SDK1: variants seen among roughly 807,000 people sequenced by gnomAD.
SDK1 encodes protein sidekick-1.
Under a neutral mutation model 245.5 loss-of-function variants are expected in SDK1, and 157 were observed. The observed-to-expected ratio is 0.64, with a 90% CI of 0.56 to 0.73. The LOEUF (loss-of-function observed/expected upper bound fraction) is 0.73. Among genes scored for constraint, SDK1 ranks in the 30% least tolerant of loss-of-function variants. The pLI is 0.00. For missense variants in SDK1, 3,583 were observed against 3,002.3 expected, an observed-to-expected ratio of 1.19 and a Z score of -4.52; for synonymous variants, 1,647 against 1,278.5, an observed-to-expected ratio of 1.29 and a Z score of -6.15.
chr7:4,105,380 C>G (rs538784142), intron 22 of SDK1, among the ~76,000 whole-genome samples: 1 of 152,062 alleles, frequency 6.6e-6, no homozygotes, highest in Non-Finnish European at 1.5e-5. Flanking sequence ...GATCTCAGCT[C>G]ACTGCATCCT....
chr7:3,475,540 T>A (rs1210853114), intron 1 of SDK1, among the ~76,000 whole-genome samples: 2 of 152,240 alleles, frequency 1.3e-5, no homozygotes, highest in Non-Finnish European at 2.9e-5. Flanking sequence ...TCCTCTAACG[T>A]CTTTTCTAAT....
At chr7:3,864,325 A>T (rs1194918913) in intron 5 of SDK1, among the ~76,000 whole-genome samples, 1 of 152,040 alleles carries the variant, frequency 6.6e-6, no homozygotes, top group Admixed American at 6.6e-5. Flanking sequence ...TCATTTTTAC[A>T]TATCTTTTGC....
intron 14 of SDK1, among the ~76,000 whole-genome samples, chr7:4,005,353 G>C (rs543483937): frequency 2.0e-5 from 3 of 151,184 alleles, no homozygotes; most frequent in Non-Finnish European, 2.9e-5. Flanking sequence ...GACTGGATTT[G>C]AGCTGCCTTC....
intron 1 of SDK1, among the ~76,000 whole-genome samples, chr7:3,408,332 A>G (rs1166312644): frequency 1.3e-5 from 2 of 152,166 alleles, no homozygotes; most frequent in Non-Finnish European, 2.9e-5. Context: ...GGCAGAAGCC[A>G]TGGTGCTTGG....
chr7:4,074,935 A>G (rs1275324764), intron 20 of SDK1, among the ~76,000 whole-genome samples: 1 of 123,124 alleles, frequency 8.1e-6, no homozygotes, highest in Non-Finnish European at 1.6e-5. Context: ...TTTTTTTAAT[A>G]AAGTTAGGAA....
At chr7:3,341,074 A>G (rs1780336625) in intron 1 of SDK1, among the ~76,000 whole-genome samples, 1 of 152,114 alleles carries the variant, frequency 6.6e-6, no homozygotes, top group African/African-American at 2.4e-5. Context: ...CAAAAAAGAA[A>G]CTCCACAGTT....
chr7:3,459,769 T>A (rs891690235), intron 1 of SDK1, among the ~76,000 whole-genome samples: 1 of 152,204 alleles, frequency 6.6e-6, no homozygotes, highest in Non-Finnish European at 1.5e-5. Flanking sequence ...AGACCAGTTG[T>A]GATCCATGTC....
At position 4,132,437 on chromosome 7, in the gene SDK1, G is replaced by C; in HGVS notation, c.4228+14G>C. 1 of 1,586,354 alleles carries C rather than the reference G, an allele frequency of 6.3e-7. No homozygotes were observed. The highest frequency in any genetic ancestry group is 2.3e-5 in the East Asian group (1 of 44,192). ...GCATCATCCTGGGTAAGGGAGCGGCGGTGGCCGGGCGTGGTGGCTCAGGCC... is the reference window on the plus strand; with the variant it reads ...GCATCATCCTGGGTAAGGGAGCGGCCGTGGCCGGGCGTGGTGGCTCAGGCC... On this transcript the variant is annotated intron_variant, in intron 28 of 44. Transcript: ENST00000404826.
intron 25 of SDK1, among the ~76,000 whole-genome samples, chr7:4,120,621 A>G (rs970724165): frequency 1.4e-5 from 2 of 144,466 alleles, no homozygotes; most frequent in African/African-American, 5.0e-5. Flanking sequence ...TTTTCAAATA[A>G]TACTCTTTTT....
At chr7:4,124,184 C>T (rs532553781) in intron 25 of SDK1, among the ~76,000 whole-genome samples, 83 of 152,374 alleles carry the variant, frequency 5.4e-4, no homozygotes, top group African/African-American at 1.9e-3. Flanking sequence ...CTAGGATGCA[C>T]ATGAACCCTG....
chr7:4,121,076 C>G (rs995033944), intron 25 of SDK1, among the ~76,000 whole-genome samples: 4 of 151,712 alleles, frequency 2.6e-5, no homozygotes. Flanking sequence ...TAAATGTATT[C>G]CAGGGTTTTT....
At chr7:4,204,396 A>G (rs896660422) in intron 35 of SDK1, among the ~76,000 whole-genome samples, 4 of 152,172 alleles carry the variant, frequency 2.6e-5, no homozygotes, top group Non-Finnish European at 5.9e-5. Context: ...GGCTATTAAC[A>G]TTTCCATTAA....
chr7:4,095,323 C>T (rs1314183785), intron 22 of SDK1, among the ~76,000 whole-genome samples: 1 of 151,378 alleles, frequency 6.6e-6, no homozygotes, highest in Non-Finnish European at 1.5e-5. Flanking sequence ...CTCAGCTCCC[C>T]CATATCTGAG....
chr7:3,869,258 C>T (rs1583494660), intron 5 of SDK1, among the ~76,000 whole-genome samples: 2 of 150,476 alleles, frequency 1.3e-5, no homozygotes, highest in South Asian at 2.1e-4. Flanking sequence ...CGGGTTCAAG[C>T]GATTCTCCTG....
intron 22 of SDK1, among the ~76,000 whole-genome samples, chr7:4,107,370 G>A (rs113190736): frequency 0.016 from 2,400 of 152,246 alleles, 65 homozygotes; most frequent in African/African-American, 0.054. Context: ...CGTGAGCTAC[G>A]CACGTGAGCC....
chr7:3,757,783 T>C (rs1423794718), intron 4 of SDK1, among the ~76,000 whole-genome samples: 1 of 152,130 alleles, frequency 6.6e-6, no homozygotes, highest in Non-Finnish European at 1.5e-5. Flanking sequence ...AAATCGTTGG[T>C]CCTAGGTGAT....
rs954511349 is a variant in SDK1, at chr7:3,836,281, A to G, written c.847+14698A>G. On this transcript the variant is annotated intron_variant, in intron 5 of 44. Transcript: ENST00000404826. ...GCATCTCCAAGCCATTCAATATGCA[A>G]TTGTGAAAACTGATATCCTTATAAC... 4.6e-5 allele frequency among the ~76,000 whole-genome samples: 7 copies of G among 152,246 alleles called. No individual in the cohort carries two copies. In the South Asian group the frequency reaches 8.3e-4, roughly 18 times the overall value.
chr7:3,975,923 G>A (rs1170611147), intron 13 of SDK1, among the ~76,000 whole-genome samples: 2 of 146,926 alleles, frequency 1.4e-5, no homozygotes, highest in Non-Finnish European at 3.0e-5. Flanking sequence ...GTCCTCCAGA[G>A]AATCACTGAG....
chr7:3,340,660 G>T (rs1027154695), intron 1 of SDK1, among the ~76,000 whole-genome samples: 9 of 151,832 alleles, frequency 5.9e-5, no homozygotes, highest in Non-Finnish European at 2.9e-5. Flanking sequence ...CTACTCAGGA[G>T]GCTGAGGCAG....
Sources: gnomAD v4.1 joint callset for allele counts (sites outside exome capture counted in the v4.1 genomes callset) on GRCh38, gnomAD v4.1.1 for gene constraint, MANE v1.5 for transcripts, NCBI Gene and HGNC (gene_info 2026-07-23, HGNC 2026-07-21) for gene names.